ATP13A5: variants seen among roughly 807,000 people sequenced by gnomAD.
The protein encoded by ATP13A5 is ATPase 13A5.
In ATP13A5, 149 loss-of-function variants were observed where a neutral mutation model predicts 150.2. The ratio of observed to expected loss-of-function variants is 0.99; its 90% CI spans 0.87 to 1.14. The LOEUF (loss-of-function observed/expected upper bound fraction) is 1.14. Among genes scored for constraint, ATP13A5 ranks in the 50% most tolerant of loss-of-function variants. The pLI is 0.00. For synonymous variants in ATP13A5, 497 were observed against 522.2 expected, an observed-to-expected ratio of 0.95 and a Z score of 0.66; for missense variants, 1,383 against 1,449.3, an observed-to-expected ratio of 0.95 and a Z score of 0.74.
At position 193,284,993 on chromosome 3, in the gene ATP13A5, G is replaced by A. The variant is rs778406501; in HGVS notation, c.3147C>T (p.Pro1049=). 8 of 1,614,064 alleles carry A rather than the reference G, an allele frequency of 5.0e-6. No individual in the cohort carries two copies. The Admixed American group carries it at 1.2e-4, about 24-fold the overall frequency. ...ILSFETTTLW[P]ITTINYITVA... ...CTGTGATATAGTTGATGGTGGTGAT[G>A]GGCCACAGTGTGGTGGTCTCAAAAC... Residue 1049 remains proline, a synonymous_variant, in exon 27 of 30, where the codon CCC becomes CCT. Coordinates refer to ENST00000342358, the MANE Select transcript of ATP13A5 (RefSeq NM_198505.4).
At chr3:193,348,844 T>G (rs1380224347) in intron 7 of ATP13A5, among the ~76,000 whole-genome samples, 1 of 152,150 alleles carries the variant, frequency 6.6e-6, no homozygotes, top group Non-Finnish European at 1.5e-5. Context: ...TGAGTCACTT[T>G]GAGATTGCGC....
intron 1 of ATP13A5, among the ~76,000 whole-genome samples, chr3:193,376,109 CCTA>C (rs1400261417): frequency 2.6e-5 from 4 of 152,200 alleles, no homozygotes; most frequent in Admixed American, 6.5e-5. Context: ...TTTACTTTGA[CCTA>C]CTGATTGTTT....
chr3:193,360,758 C>A (rs1201200757), intron 5 of ATP13A5, among the ~76,000 whole-genome samples: 1 of 152,056 alleles, frequency 6.6e-6, no homozygotes, highest in African/African-American at 2.4e-5. Flanking sequence ...CTCTCTGCAA[C>A]CTCCGCCTCC....
intron 25 of ATP13A5, among the ~76,000 whole-genome samples, chr3:193,293,472 C>T (rs1028551677): frequency 3.3e-5 from 5 of 152,100 alleles, no homozygotes; most frequent in Non-Finnish European, 7.4e-5. Context: ...TACATCTGCA[C>T]TCAGCAGACT....
intron 11 of ATP13A5, among the ~76,000 whole-genome samples, chr3:193,332,360 T>C (rs1711666989): frequency 1.3e-5 from 2 of 152,146 alleles, no homozygotes; most frequent in South Asian, 4.1e-4. Flanking sequence ...GGTATGTCTT[T>C]ATTAGCAGCA....
intron 26 of ATP13A5, among the ~76,000 whole-genome samples, chr3:193,285,981 A>AT (rs1717707722): frequency 1.3e-5 from 2 of 152,174 alleles, no homozygotes; most frequent in South Asian, 2.1e-4. Flanking sequence ...AGAATATGGG[A>AT]TTTTTTTGTG....
At chr3:193,306,086 A>G (rs745882653) in intron 22 of ATP13A5, among the ~76,000 whole-genome samples, 9 of 151,920 alleles carry the variant, frequency 5.9e-5, no homozygotes, top group Non-Finnish European at 1.2e-4. Flanking sequence ...AAGGTGAAAG[A>G]ATTCCTAGGC....
At chr3:193,372,312 A>AGAG (rs1553824183) in intron 1 of ATP13A5, 13 of 73,166 alleles carry the variant, frequency 1.8e-4, no homozygotes, top group African/African-American at 7.2e-4. Context: ...AAAAAAAAAA[A>AGAG]GGGGGAAGTT....
rs193272929 is a variant in ATP13A5, at chr3:193,308,801, T to C, written c.2526-1432A>G. 1.3e-3 allele frequency among the ~76,000 whole-genome samples: 192 copies of C among 152,308 alleles called. 2 individuals carry two copies. The East Asian group carries it at 0.033, about 26-fold the overall frequency. Reference sequence around the variant, plus strand: ...TTCATTTTTTAAGGGGAATATGGCTTTTCAAAGTTAGGCATTTTAGTTGGC... The same window carrying C: ...TTCATTTTTTAAGGGGAATATGGCTCTTCAAAGTTAGGCATTTTAGTTGGC... On this transcript the variant is annotated intron_variant, in intron 21 of 29. Coordinates refer to ENST00000342358, the MANE Select transcript of ATP13A5 (RefSeq NM_198505.4).
At chr3:193,361,457 G>A (rs1713003176) in intron 5 of ATP13A5, among the ~76,000 whole-genome samples, 1 of 152,140 alleles carries the variant, frequency 6.6e-6, no homozygotes, top group Non-Finnish European at 1.5e-5. Context: ...TCAGAATTAT[G>A]AGGGTGGAGC....
At chr3:193,331,529 C>G (rs527647454) in intron 11 of ATP13A5, among the ~76,000 whole-genome samples, 2 of 152,286 alleles carry the variant, frequency 1.3e-5, no homozygotes, top group African/African-American at 4.8e-5. Context: ...CTCTCTCCCC[C>G]ACTAGCCTAC....
intron 5 of ATP13A5, 52 bp from the exon 6 acceptor site, chr3:193,354,248 T>A: frequency 6.6e-7 from 1 of 1,521,058 alleles, no homozygotes; most frequent in Non-Finnish European, 9.0e-7. Flanking sequence ...ACATGATAAG[T>A]GACTACAGGC....
chr3:193,277,927 C>T (rs1246092598), intron 28 of ATP13A5, among the ~76,000 whole-genome samples: 1 of 152,206 alleles, frequency 6.6e-6, no homozygotes, highest in African/African-American at 2.4e-5. Flanking sequence ...CCTCAGCCTC[C>T]CAAGTAGCTG....
At chr3:193,322,694 G>T in intron 14 of ATP13A5, 120 bp from the exon 15 acceptor site, 2 of 713,882 alleles carry the variant, frequency 2.8e-6, no homozygotes, top group Non-Finnish European at 2.3e-6. Flanking sequence ...TTCTCTTCCA[G>T]GCCAATTATC....
intron 15 of ATP13A5, 146 bp from the exon 16 acceptor site, chr3:193,321,983 G>T (rs1428471627): frequency 2.1e-6 from 2 of 970,568 alleles, no homozygotes; most frequent in South Asian, 3.6e-5. Context: ...GTGTGTGTGT[G>T]TGTGGCTGCC....
chr3:193,312,507 G>A (rs1718895461), intron 19 of ATP13A5, among the ~76,000 whole-genome samples: 2 of 152,136 alleles, frequency 1.3e-5, no homozygotes, highest in East Asian at 1.9e-4. Context: ...ATCCTTTTCC[G>A]AAACCCTTTC....
At position 193,311,796 on chromosome 3, in the gene ATP13A5, CT is replaced by C; in HGVS notation, c.2445+19del. ...CTGATTTGAGGAGCAAAACAAAACA[CT>C]TCTTTCTTCAGTACTTACTTTTGGA... On this transcript the variant is annotated intron_variant, in intron 20 of 29. Transcript: ENST00000342358. 6 of 1,612,932 alleles carry C rather than the reference CT, an allele frequency of 3.7e-6. No homozygotes were observed. Among genetic ancestry groups the C allele is most frequent in the Non-Finnish European group, 4.2e-6 (5 of 1,179,390 alleles).
intron 5 of ATP13A5, 57 bp from the exon 6 acceptor site, chr3:193,354,253 A>G: frequency 6.8e-7 from 1 of 1,463,152 alleles, no homozygotes; most frequent in Non-Finnish European, 9.4e-7. Flanking sequence ...ATAAGTGACT[A>G]CAGGCCAAAC....
At chr3:193,361,477 A>G (rs1713004353) in intron 5 of ATP13A5, among the ~76,000 whole-genome samples, 1 of 152,184 alleles carries the variant, frequency 6.6e-6, no homozygotes, top group Non-Finnish European at 1.5e-5. Flanking sequence ...CTTAAAACCT[A>G]TATTTTAAAG....
Sources: gnomAD v4.1 joint callset for allele counts (sites outside exome capture counted in the v4.1 genomes callset) on GRCh38, gnomAD v4.1.1 for gene constraint, MANE v1.5 for transcripts, NCBI Gene and HGNC (gene_info 2026-07-23, HGNC 2026-07-21) for gene names.